USO1: variants seen among roughly 807,000 people sequenced by gnomAD.
USO1 encodes the protein USO1 vesicle transport factor.
Under a neutral mutation model 124.5 loss-of-function variants are expected in USO1, and 57 were observed. The ratio of observed to expected loss-of-function variants is 0.46; its 90% CI spans 0.37 to 0.57. USO1 has a LOEUF of 0.57. Ranked by LOEUF, USO1 falls within the 20% of genes least tolerant of loss-of-function variation. USO1 has a pLI of 0.00. For missense variants in USO1, 900 were observed against 1,040.6 expected (o/e 0.86, Z 1.86); for synonymous variants, 369 against 362.8 (o/e 1.02, Z -0.19).
intron 4 of USO1, among the ~76,000 whole-genome samples, chr4:75,758,132 TTAACA>T (rs1452532590): frequency 1.3e-5 from 2 of 152,218 alleles, no homozygotes; most frequent in African/African-American, 4.8e-5. Flanking sequence ...ATTTGCACAC[TTAACA>T]TAAAGTTATC....
At chr4:75,761,642 A>G (rs558124537) in intron 4 of USO1, among the ~76,000 whole-genome samples, 2 of 152,080 alleles carry the variant, frequency 1.3e-5, no homozygotes, top group Admixed American at 6.5e-5. Context: ...TCTTCTCTCT[A>G]ATCTCTTTTA....
At chr4:75,783,118 GACAT>G (rs1260327503) in intron 9 of USO1, among the ~76,000 whole-genome samples, 2 of 152,260 alleles carry the variant, frequency 1.3e-5, no homozygotes, top group East Asian at 3.9e-4. Context: ...AGCAAATTCA[GACAT>G]ACAGTTTCCT....
chr4:75,785,169 G>A (rs1049843340), intron 9 of USO1, among the ~76,000 whole-genome samples: 1 of 151,978 alleles, frequency 6.6e-6, no homozygotes, highest in Non-Finnish European at 1.5e-5. Flanking sequence ...AAATAAAAAT[G>A]CATCATTGTT....
intron 12 of USO1, among the ~76,000 whole-genome samples, chr4:75,792,973 T>C (rs1722572886): frequency 6.6e-6 from 1 of 152,144 alleles, no homozygotes; most frequent in Admixed American, 6.5e-5. Flanking sequence ...GATTTTTATT[T>C]GTTCTCACAA....
chr4:75,799,673 C>G lies in USO1; in HGVS notation c.1504C>G (p.Leu502Val). 1 of 1,613,746 alleles carries G rather than the reference C, an allele frequency of 6.2e-7. No homozygotes were observed. The highest frequency in any genetic ancestry group is 8.5e-7 in the Non-Finnish European group (1 of 1,179,778). The change falls in exon 14 of 24, where the codon CTA becomes GTA. Residue 502 changes from leucine to valine, a missense_variant. Physicochemically the swap from Leu to Val is conservative, Grantham distance 32. Around this residue, in one of 2 missense-constraint regions of USO1, gnomAD observed 538 missense variants for 681.6 expected, o/e 0.79. Transcript: ENST00000514213. ...ATTATTAATGTTGCTTTGTACCTGG[C>G]TAAGCAATTGTCCCATTGCAGTAAC... Reference protein sequence around the residue: ...VGLLMLLCTWLSNCPIAVTHF... With the variant: ...VGLLMLLCTWVSNCPIAVTHF...
At chr4:75,771,292 G>T (rs964434789) in intron 7 of USO1, among the ~76,000 whole-genome samples, 155 bp downstream of exon 7, 1 of 152,072 alleles carries the variant, frequency 6.6e-6, no homozygotes, top group South Asian at 2.1e-4. Flanking sequence ...AGAGATGGGG[G>T]TCTCTCTATG....
At chr4:75,795,802 A>G (rs1200316879) in intron 13 of USO1, among the ~76,000 whole-genome samples, 1 of 152,168 alleles carries the variant, frequency 6.6e-6, no homozygotes, top group African/African-American at 2.4e-5. Context: ...AGTAAGTATA[A>G]TTTTATAATT....
At position 75,785,662 on chromosome 4, in the gene USO1, C is replaced by G. The variant is rs1015054097; in HGVS notation, c.856-1400C>G. ...CTCTTTTTATCCTCATAAATATTCC[C>G]TTTTTCTTTATTTACATCATCAGTA... is the stretch of plus-strand genomic sequence containing the variant. On this transcript the variant is annotated intron_variant, in intron 9 of 23. Transcript: ENST00000514213. 4.6e-5 allele frequency among the ~76,000 whole-genome samples: 7 copies of G among 152,124 alleles called. No homozygotes were observed. The East Asian group carries it at 1.2e-3, about 25-fold the overall frequency.
chr4:75,814,252 A>G lies in USO1; in HGVS notation c.*957A>G, dbSNP rs1723230505. 6.6e-6 allele frequency: 1 copy of G among 152,178 alleles called. No homozygotes were observed. The highest frequency in any genetic ancestry group is 2.4e-5 in the African/African-American group (1 of 41,454). The allele number at this position is 152,178 out of a possible 1,614,324, so 9.4% of individuals were successfully genotyped here. ...TTCCCTTTGTTTACATCTTAAAAGT[A>G]TTTTATTCTTAATAAAAGATGAGGC... On this transcript the variant is annotated 3_prime_UTR_variant, in exon 24 of 24. Transcript: ENST00000514213.
At position 75,739,002 on chromosome 4, in the gene USO1, G is replaced by GC. The variant is rs555055144; in HGVS notation, c.67-13369dup. On this transcript the variant is annotated intron_variant, in intron 1 of 23. Coordinates refer to ENST00000514213, the MANE Select transcript of USO1 (RefSeq NM_003715.4). ...CGAGTAGCTGGGATTACAGGTGCCC[G>GC]CCACCATGCCCAGCTAATTTTTTGT... Among the ~76,000 whole-genome samples the GC allele has an allele frequency of 9.0e-3, 1,365 of 151,930 alleles. 33 individuals carry two copies. The highest frequency in any genetic ancestry group is 0.032 in the African/African-American group (1,310 of 41,392).
At position 75,734,718 on chromosome 4, in the gene USO1, C is replaced by CTTTTTTTTTTTTT. The variant is rs55928639; in HGVS notation, c.66+9849_66+9861dup. ...CTGTAGATTGCTTTGGGCAGTATGG[C>CTTTTTTTTTTTTT]TTTTTTTTTTTTTTTTTTTTTTTTT... On this transcript the variant is annotated intron_variant, in intron 1 of 23. Coordinates refer to ENST00000514213, the MANE Select transcript of USO1 (RefSeq NM_003715.4). Among the ~76,000 whole-genome samples the CTTTTTTTTTTTTT allele has an allele frequency of 1.3e-3, 64 of 47,462 alleles. 12 individuals carry two copies. Among genetic ancestry groups the CTTTTTTTTTTTTT allele is most frequent in the Non-Finnish European group, 2.0e-3 (55 of 28,020 alleles). 31.1% of individuals were successfully genotyped at this position (47,462 alleles called of 152,430 possible).
At chr4:75,790,416 T>G (rs1191267348) in intron 11 of USO1, among the ~76,000 whole-genome samples, 178 bp downstream of exon 11, 1 of 152,228 alleles carries the variant, frequency 6.6e-6, no homozygotes, top group East Asian at 1.9e-4. Context: ...TCTTTGGAAT[T>G]TAGATACTTA....
chr4:75,795,904 GA>G (rs1286666734), intron 13 of USO1, among the ~76,000 whole-genome samples: 7 of 135,474 alleles, frequency 5.2e-5, no homozygotes, highest in Non-Finnish European at 9.4e-5. Context: ...TGTGTGTGGG[GA>G]AAGTGCTATT....
chr4:75,769,341 C>G (rs189230154), intron 4 of USO1, among the ~76,000 whole-genome samples: 1 of 152,076 alleles, frequency 6.6e-6, no homozygotes, highest in Non-Finnish European at 1.5e-5. Flanking sequence ...AAGGATAAAC[C>G]CAGCATATTT....
chr4:75,780,316 G>A (rs1216035276), intron 8 of USO1, among the ~76,000 whole-genome samples: 1 of 152,120 alleles, frequency 6.6e-6, no homozygotes, highest in Non-Finnish European at 1.5e-5. Context: ...ACTTGGGCTG[G>A]TGTGTAGTGG....
intron 20 of USO1, 131 bp from the exon 21 acceptor site, chr4:75,808,822 G>T (rs1723064244): frequency 9.4e-7 from 1 of 1,066,092 alleles, no homozygotes; most frequent in Non-Finnish European, 1.3e-6. Context: ...CAAAATTCAA[G>T]AATAGTTCTT....
At chr4:75,794,757 T>G (rs1722632745) in intron 13 of USO1, among the ~76,000 whole-genome samples, 1 of 152,236 alleles carries the variant, frequency 6.6e-6, no homozygotes, top group South Asian at 2.1e-4. Flanking sequence ...TTTTCCTTAT[T>G]TTGAGCTTTT....
chr4:75,790,126 CT>C, intron 10 of USO1, 23 bp from the exon 11 acceptor site: 1 of 1,508,370 alleles, frequency 6.6e-7, no homozygotes, highest in Non-Finnish European at 8.9e-7. Flanking sequence ...TCTAAATGTT[CT>C]TTTTCTTTCT....
chr4:75,762,819 T>A (rs1475344803), intron 4 of USO1, among the ~76,000 whole-genome samples: 2 of 152,070 alleles, frequency 1.3e-5, no homozygotes, highest in Non-Finnish European at 2.9e-5. Flanking sequence ...TCCCAGCTAC[T>A]TGGGAGGCTG....
Sources: gnomAD v4.1 joint callset for allele counts (sites outside exome capture counted in the v4.1 genomes callset) on GRCh38, gnomAD v4.1.1 for gene constraint, gnomAD v4.1.1 regional missense constraint, MANE v1.5 for transcripts, NCBI Gene and HGNC (gene_info 2026-07-23, HGNC 2026-07-21) for gene names.